Variants in RAB3IP observed in about 807,000 individuals in gnomAD.
RAB3IP encodes rab-3A-interacting protein.
RAB3IP carries 36 observed loss-of-function variants against 59.1 expected under a neutral mutation model. The ratio of observed to expected loss-of-function variants is 0.61; its 90% CI spans 0.47 to 0.80. RAB3IP has a LOEUF of 0.80. Among genes scored for constraint, RAB3IP ranks in the 30% least tolerant of loss-of-function variants. The pLI is 0.00. For missense variants in RAB3IP, 511 were observed against 536.0 expected, an observed-to-expected ratio of 0.95 and a Z score of 0.46; for synonymous variants, 207 against 191.2, an observed-to-expected ratio of 1.08 and a Z score of -0.68.
At chr12:69,785,515 G>A (rs1296016099) in intron 4 of RAB3IP, among the ~76,000 whole-genome samples, 1 of 152,148 alleles carries the variant, frequency 6.6e-6, no homozygotes, top group Non-Finnish European at 1.5e-5. Context: ...AGGGCTGATG[G>A]TGCACTTCCA....
Position 69,821,041 on chromosome 12 carries a change from C to CAGCT in RAB3IP, c.*5596_*5599dup, listed in dbSNP as rs1881688438. The CAGCT allele has an allele frequency of 6.6e-6, 1 of 152,026 alleles. No individual in the cohort carries two copies. The highest frequency in any genetic ancestry group is 6.6e-5 in the Admixed American group (1 of 15,262). The allele number at this position is 152,026 out of a possible 1,614,324, so 9.4% of individuals were successfully genotyped here. ...AAAGAATTGAAACCCTTCCTAAAGG[C>CAGCT]AGCTTCTCAAGGGAGCACAAGTTCA... On this transcript the variant is annotated 3_prime_UTR_variant, in exon 11 of 11. Coordinates refer to ENST00000247833, the MANE Select transcript of RAB3IP (RefSeq NM_022456.5).
At chr12:69,802,905 G>A (rs1030927585) in intron 8 of RAB3IP, among the ~76,000 whole-genome samples, 1 of 152,026 alleles carries the variant, frequency 6.6e-6, no homozygotes, top group Non-Finnish European at 1.5e-5. Flanking sequence ...CGTGTAGCAC[G>A]GTGGCCTCTG....
intron 8 of RAB3IP, among the ~76,000 whole-genome samples, chr12:69,810,864 G>C (rs563033924): frequency 6.6e-6 from 1 of 152,166 alleles, no homozygotes; most frequent in Non-Finnish European, 1.5e-5. Context: ...GAAATCTTGG[G>C]ACTAGAGTTA....
At chr12:69,750,726 C>CCT (rs1565871466) in intron 1 of RAB3IP, among the ~76,000 whole-genome samples, 1 of 140,854 alleles carries the variant, frequency 7.1e-6, no homozygotes, top group Non-Finnish European at 1.5e-5. Context: ...TGGGGTCTTT[C>CCT]TTTTTTTTTT....
intron 7 of RAB3IP, among the ~76,000 whole-genome samples, chr12:69,800,557 A>G (rs1878214714): frequency 6.6e-6 from 1 of 152,142 alleles, no homozygotes; most frequent in Non-Finnish European, 1.5e-5. Flanking sequence ...TCACACTCAA[A>G]TGTGTACTGC....
At position 69,779,953 on chromosome 12, in the gene RAB3IP, T is replaced by C. The variant is rs1354168576; in HGVS notation, c.511-4767T>C. 7.2e-5 allele frequency among the ~76,000 whole-genome samples: 11 copies of C among 152,344 alleles called. No individual in the cohort carries two copies. The East Asian group carries it at 2.1e-3, about 29-fold the overall frequency. On this transcript the variant is annotated intron_variant, in intron 3 of 10. Transcript: ENST00000247833. Reference sequence around the variant, plus strand: ...ACGAATTAGTTATTTATTCAAGTCTTTGCAGTGTGACTTTGTGCCCATCCT... The same window carrying C: ...ACGAATTAGTTATTTATTCAAGTCTCTGCAGTGTGACTTTGTGCCCATCCT...
chr12:69,763,838 A>G (rs1183008246), intron 3 of RAB3IP, among the ~76,000 whole-genome samples: 1 of 152,014 alleles, frequency 6.6e-6, no homozygotes, highest in African/African-American at 2.4e-5. Flanking sequence ...GCTCCCACTT[A>G]TAAGTGAAAA....
intron 3 of RAB3IP, among the ~76,000 whole-genome samples, chr12:69,762,602 A>G (rs1318061276): frequency 6.6e-6 from 1 of 151,924 alleles, no homozygotes; most frequent in Non-Finnish European, 1.5e-5. Context: ...CTAAAAATAC[A>G]AAAAATTAGC....
chr12:69,745,320 A>G (rs1185359285), intron 1 of RAB3IP, among the ~76,000 whole-genome samples: 6 of 152,164 alleles, frequency 3.9e-5, no homozygotes, highest in Non-Finnish European at 8.8e-5. Context: ...CAAATTTTCA[A>G]AAATTAACAC....
rs1874683205 is a variant in RAB3IP, at chr12:69,781,400, A to G, written c.511-3320A>G. Among the ~76,000 whole-genome samples, 3 of 152,140 alleles carry G rather than the reference A, an allele frequency of 2.0e-5. No homozygotes were observed. In the South Asian group the frequency reaches 6.2e-4, roughly 32 times the overall value. ...CATTGTCTCCCAAAGTTCATAGTTT[A>G]CATTAGGGTTTACTCTTGGTGTTGT... On this transcript the variant is annotated intron_variant, in intron 3 of 10. Transcript: ENST00000247833.
chr12:69,805,039 G>A (rs1015152801), intron 8 of RAB3IP, among the ~76,000 whole-genome samples: 201 of 152,236 alleles, frequency 1.3e-3, no homozygotes, highest in East Asian at 4.8e-3. Flanking sequence ...GAAGAAAGTT[G>A]TTGGTAGCTT....
At chr12:69,743,396 T>C (rs990074034) in intron 1 of RAB3IP, among the ~76,000 whole-genome samples, 1 of 152,240 alleles carries the variant, frequency 6.6e-6, no homozygotes, top group African/African-American at 2.4e-5. Flanking sequence ...TCTTTCCTTT[T>C]ACCTAAGATA....
At chr12:69,813,231 TTTAA>T (rs1425175144) in intron 10 of RAB3IP, among the ~76,000 whole-genome samples, 198 bp downstream of exon 10, 1 of 152,190 alleles carries the variant, frequency 6.6e-6, no homozygotes, top group Non-Finnish European at 1.5e-5. Flanking sequence ...AAATATTGTG[TTTAA>T]TTATTTTATT....
chr12:69,801,368 T>G lies in RAB3IP; in HGVS notation c.1018-241T>G, dbSNP rs569344541. Among the ~76,000 whole-genome samples the G allele has an allele frequency of 2.0e-5, 3 of 152,300 alleles. No homozygotes were observed. In the South Asian group the frequency reaches 6.2e-4, roughly 32 times the overall value. ...GTGAACAGAGACTGGAATTGATGCC[T>G]TGAATCCTCGTCCAGATAATGAGGA... On this transcript the variant is annotated intron_variant, in intron 7 of 10. Coordinates refer to ENST00000247833, the MANE Select transcript of RAB3IP (RefSeq NM_022456.5).
chr12:69,740,317 C>G (rs1054737471), intron 1 of RAB3IP, among the ~76,000 whole-genome samples: 1 of 152,122 alleles, frequency 6.6e-6, no homozygotes, highest in African/African-American at 2.4e-5. Context: ...TTTACTAGTA[C>G]TGTGCATTTT....
intron 8 of RAB3IP, among the ~76,000 whole-genome samples, chr12:69,803,421 G>A (rs1007419789): frequency 2.6e-5 from 4 of 152,004 alleles, no homozygotes; most frequent in African/African-American, 4.8e-5. Context: ...TTTTGAGGAA[G>A]ACAAGATCAT....
At chr12:69,788,267 A>G (rs1351253670) in intron 4 of RAB3IP, among the ~76,000 whole-genome samples, 1 of 152,108 alleles carries the variant, frequency 6.6e-6, no homozygotes, top group Non-Finnish European at 1.5e-5. Flanking sequence ...TACTTACACA[A>G]ACCAAGATGT....
chr12:69,814,782 C>A (rs1002025172), intron 10 of RAB3IP, among the ~76,000 whole-genome samples: 7 of 152,192 alleles, frequency 4.6e-5, no homozygotes, highest in African/African-American at 1.7e-4. Flanking sequence ...AAGGAGCCAA[C>A]GTTTTTCCAC....
intron 3 of RAB3IP, among the ~76,000 whole-genome samples, chr12:69,773,241 T>C (rs566610980): frequency 3.6e-4 from 55 of 152,192 alleles, no homozygotes; most frequent in Non-Finnish European, 6.5e-4. Flanking sequence ...GTCTTTGATC[T>C]TTGAGAGCTT....
Sources: allele counts gnomAD v4.1 joint callset (sites outside exome capture counted in the v4.1 genomes callset), GRCh38; gene constraint gnomAD v4.1.1; transcripts MANE v1.5; gene names NCBI Gene and HGNC (gene_info 2026-07-23, HGNC 2026-07-21).